RYR2: variants seen among roughly 807,000 people sequenced by gnomAD.
RYR2 encodes the protein ryanodine receptor 2.
Under a neutral mutation model 601.1 loss-of-function variants are expected in RYR2, and 227 were observed. The ratio of observed to expected loss-of-function variants is 0.38; its 90% CI spans 0.34 to 0.42. The LOEUF is 0.42. Ranked by LOEUF, RYR2 falls within the 10% of genes least tolerant of loss-of-function variation. The pLI is 1.00. For synonymous variants in RYR2, 2,223 were observed against 2,175.1 expected, an observed-to-expected ratio of 1.02 and a Z score of -0.61; for missense variants, 4,646 against 6,156.5, an observed-to-expected ratio of 0.75 and a Z score of 8.21.
chr1:237,396,205 T>A lies in RYR2; in HGVS notation c.773+8022T>A, dbSNP rs191154054. On this transcript the variant is annotated intron_variant, in intron 10 of 104. Coordinates refer to ENST00000366574, the MANE Select transcript of RYR2 (RefSeq NM_001035.3). ...AATTAGGGGCGGGGAAAGAAAGCCA[T>A]CTTAATAAATCAGCATAACAACCTG... Among the ~76,000 whole-genome samples the A allele has an allele frequency of 1.9e-3, 282 of 152,252 alleles. 1 individual carries two copies. Among genetic ancestry groups the A allele is most frequent in the African/African-American group, 6.5e-3 (268 of 41,540 alleles).
chr1:237,719,969 A>C (rs1013893525), intron 73 of RYR2, among the ~76,000 whole-genome samples: 3 of 152,258 alleles, frequency 2.0e-5, no homozygotes, highest in African/African-American at 7.2e-5. Context: ...AGTTTACCTA[A>C]GGAGAAGAGA....
chr1:237,583,563 C>T (rs1445024946), intron 29 of RYR2, among the ~76,000 whole-genome samples: 1 of 152,066 alleles, frequency 6.6e-6, no homozygotes, highest in Non-Finnish European at 1.5e-5. Context: ...CTAGCTGTTA[C>T]CTTTTCTTCT....
At chr1:237,796,351 G>C (rs1238965535) in intron 96 of RYR2, among the ~76,000 whole-genome samples, 1 of 152,144 alleles carries the variant, frequency 6.6e-6, no homozygotes, top group Admixed American at 6.5e-5. Context: ...AGCTAATCCT[G>C]TTCCTGGATT....
intron 6 of RYR2, among the ~76,000 whole-genome samples, chr1:237,373,520 G>A (rs539427094): frequency 2.0e-5 from 3 of 152,160 alleles, no homozygotes; most frequent in African/African-American, 7.2e-5. Flanking sequence ...CACTTGCTTC[G>A]TGATGGTAGT....
intron 58 of RYR2, among the ~76,000 whole-genome samples, chr1:237,670,124 C>A (rs1443300889): frequency 6.6e-6 from 1 of 151,892 alleles, no homozygotes; most frequent in Non-Finnish European, 1.5e-5. Context: ...CCGTCTCCAC[C>A]AAAAAAATAC....
chr1:237,100,391 C>CTT lies in RYR2; in HGVS notation c.48+57823_48+57824insTT, dbSNP rs56112782. Among the ~76,000 whole-genome samples the CTT allele has an allele frequency of 4.0e-3, 241 of 60,558 alleles. 2 individuals are homozygous for CTT. The highest frequency in any genetic ancestry group is 7.1e-3 in the Non-Finnish European group (128 of 18,038). The allele number at this position is 60,558 out of a possible 152,430, so 39.7% of individuals were successfully genotyped here. ...TCCTCTTCTTCTTTTTTTTTCTTTC[C>CTT]TCTCTCTCTCTCTCTCTCAGAGTCT... On this transcript the variant is annotated intron_variant, in intron 1 of 104. Transcript: ENST00000366574.
chr1:237,619,677 C>T (rs1018175441), intron 38 of RYR2, among the ~76,000 whole-genome samples: 2 of 151,832 alleles, frequency 1.3e-5, no homozygotes, highest in African/African-American at 4.8e-5. Flanking sequence ...ACATCATAGT[C>T]AAATTTCTGA....
intron 1 of RYR2, among the ~76,000 whole-genome samples, chr1:237,049,739 G>C (rs889682208): frequency 1.3e-5 from 2 of 152,132 alleles, no homozygotes; most frequent in African/African-American, 4.8e-5. Context: ...AGAGAAGCTT[G>C]CAGACAGGCA....
intron 1 of RYR2, among the ~76,000 whole-genome samples, chr1:237,112,429 A>C (rs1414061748): frequency 6.6e-6 from 1 of 151,710 alleles, no homozygotes; most frequent in Non-Finnish European, 1.5e-5. Flanking sequence ...CTCTCTTTTT[A>C]TCTCTCTGCT....
At chr1:237,594,885 G>GGTTTTTTTTTTTGTTTTTTGTTTTTT (rs1675638353) in intron 33 of RYR2, among the ~76,000 whole-genome samples, 21 of 79,058 alleles carry the variant, frequency 2.7e-4, no homozygotes, top group African/African-American at 1.5e-3. Context: ...AATATCACTG[G>GGTTTTTTTTTTTGTTTTTTGTTTTTT]GTTTTTTTTT....
chr1:237,771,338 G>A (rs1220768540), intron 85 of RYR2, among the ~76,000 whole-genome samples: 5 of 151,748 alleles, frequency 3.3e-5, no homozygotes, highest in Admixed American at 6.6e-5. Flanking sequence ...TTGAGGCCAG[G>A]AGTTCGAGGC....
chr1:237,795,841 T>TATATATATATATAC (rs1245997957), intron 96 of RYR2, among the ~76,000 whole-genome samples: 2 of 113,418 alleles, frequency 1.8e-5, no homozygotes, highest in East Asian at 4.7e-4. Context: ...TGTGTGTATA[T>TATATATATATATAC]ATATATATGT....
intron 14 of RYR2, among the ~76,000 whole-genome samples, chr1:237,447,320 A>G (rs1050583032): frequency 6.6e-6 from 1 of 152,226 alleles, no homozygotes; most frequent in Non-Finnish European, 1.5e-5. Context: ...ACCAAAATTC[A>G]TCTTGAATGT....
At chr1:237,138,173 A>T (rs1672988503) in intron 1 of RYR2, among the ~76,000 whole-genome samples, 1 of 152,168 alleles carries the variant, frequency 6.6e-6, no homozygotes, top group South Asian at 2.1e-4. Context: ...CTGGAATTGC[A>T]GGCGTGTGCC....
At chr1:237,571,293 G>A (rs1228492998) in intron 29 of RYR2, among the ~76,000 whole-genome samples, 3 of 147,042 alleles carry the variant, frequency 2.0e-5, no homozygotes, top group Admixed American at 1.4e-4. Flanking sequence ...ACCTCAACCA[G>A]TATTTCTTTT....
intron 1 of RYR2, among the ~76,000 whole-genome samples, chr1:237,200,602 C>T (rs988164127): frequency 3.3e-5 from 5 of 152,074 alleles, no homozygotes; most frequent in Admixed American, 6.6e-5. Flanking sequence ...AAAGTAGATA[C>T]GAATCAGAAA....
chr1:237,711,859 C>A, intron 71 of RYR2, 22 bp downstream of exon 71: 1 of 1,088,176 alleles, frequency 9.2e-7, no homozygotes. Flanking sequence ...AACTGTTTCA[C>A]TGTTCTGGAA....
chr1:237,139,237 T>C (rs1286842635), intron 1 of RYR2, among the ~76,000 whole-genome samples: 1 of 152,182 alleles, frequency 6.6e-6, no homozygotes, highest in African/African-American at 2.4e-5. Context: ...ACCACATGGA[T>C]GAGTCTTGAA....
chr1:237,748,557 G>A (rs1267194611), intron 80 of RYR2, among the ~76,000 whole-genome samples: 2 of 152,194 alleles, frequency 1.3e-5, no homozygotes, highest in African/African-American at 4.8e-5. Flanking sequence ...AGTACACTGT[G>A]TGGGGGCAGT....
Sources: gnomAD v4.1 joint callset for allele counts (sites outside exome capture counted in the v4.1 genomes callset) on GRCh38, gnomAD v4.1.1 for gene constraint, MANE v1.5 for transcripts, NCBI Gene and HGNC (gene_info 2026-07-23, HGNC 2026-07-21) for gene names.